EYS: variants seen among roughly 807,000 people sequenced by gnomAD.
EYS encodes protein eyes shut homolog.
Under a neutral mutation model 282.1 loss-of-function variants are expected in EYS, and 250 were observed. That is an observed-to-expected ratio of 0.89 (90% CI 0.80 to 0.98). EYS has a LOEUF of 0.98. EYS is among the 50% of genes least tolerant of loss of function. The pLI is 0.00. For synonymous variants in EYS, 1,355 were observed against 1,282.9 expected (o/e 1.06, Z -1.20); for missense variants, 4,016 against 3,709.0 (o/e 1.08, Z -2.15).
intron 5 of EYS, among the ~76,000 whole-genome samples, chr6:65,421,742 A>G (rs1767467838): frequency 1.3e-5 from 2 of 151,818 alleles, no homozygotes; most frequent in South Asian, 4.1e-4. Context: ...AGGGCTATTA[A>G]TTGGTCTAAT....
intron 35 of EYS, among the ~76,000 whole-genome samples, chr6:63,955,400 A>G (rs950649350): frequency 5.9e-5 from 9 of 152,194 alleles, no homozygotes; most frequent in Non-Finnish European, 1.3e-4. Flanking sequence ...AAAGATCTTC[A>G]GTGGCAAGGT....
At chr6:64,088,336 C>G (rs527382105) in intron 31 of EYS, among the ~76,000 whole-genome samples, 73 of 152,060 alleles carry the variant, frequency 4.8e-4, no homozygotes, top group African/African-American at 1.7e-3. Flanking sequence ...ATATAGTATA[C>G]TATATTACTT....
At chr6:63,941,193 A>G (rs1765229020) in intron 35 of EYS, among the ~76,000 whole-genome samples, 1 of 152,178 alleles carries the variant, frequency 6.6e-6, no homozygotes. Flanking sequence ...CTTTGGGTAT[A>G]TACCCAGTAA....
chr6:65,196,286 T>C (rs16896392), intron 12 of EYS, among the ~76,000 whole-genome samples: 35,916 of 151,904 alleles, frequency 0.24, 4,412 homozygotes, highest in African/African-American at 0.28. Context: ...ATTATACTTT[T>C]CATGTACTCA....
intron 18 of EYS, among the ~76,000 whole-genome samples, chr6:64,889,409 C>T (rs934943111): frequency 1.3e-5 from 2 of 151,802 alleles, no homozygotes; most frequent in African/African-American, 4.8e-5. Flanking sequence ...CAGATTCTGA[C>T]ACCTACCCAT....
intron 26 of EYS, among the ~76,000 whole-genome samples, chr6:64,487,554 T>C (rs922819193): frequency 2.0e-5 from 3 of 151,006 alleles, no homozygotes; most frequent in Non-Finnish European, 1.5e-5. Flanking sequence ...GAAGTGTCAA[T>C]ATAAATATTT....
chr6:64,450,224 C>A (rs944412452), intron 26 of EYS, among the ~76,000 whole-genome samples: 6 of 152,012 alleles, frequency 3.9e-5, no homozygotes, highest in Non-Finnish European at 8.8e-5. Flanking sequence ...TCTGATAAAA[C>A]AGACTTTAAA....
chr6:63,755,145 G>A (rs1769444046), intron 41 of EYS, among the ~76,000 whole-genome samples: 2 of 152,084 alleles, frequency 1.3e-5, no homozygotes, highest in African/African-American at 4.8e-5. Context: ...TAGGTTGCCT[G>A]TTCACTCTGA....
chr6:65,056,648 T>A (rs1310427914), intron 13 of EYS, among the ~76,000 whole-genome samples: 2 of 152,084 alleles, frequency 1.3e-5, no homozygotes, highest in Non-Finnish European at 2.9e-5. Context: ...ATTCCCTCTG[T>A]ATCTTTAAAG....
rs998505661 is a variant in EYS, at chr6:64,481,186, C to CA, written c.5645-41835dup. Among the ~76,000 whole-genome samples, 36 of 147,444 alleles carry CA rather than the reference C, an allele frequency of 2.4e-4. 1 individual carries two copies. The highest frequency in any genetic ancestry group is 1.6e-4 in the Non-Finnish European group (11 of 66,774). ...TCTCTTTATTCAGAATGCAAACAGC[C>CA]AAAAAATCATATATATGATATATAT... is the stretch of plus-strand genomic sequence containing the variant. On this transcript the variant is annotated intron_variant, in intron 26 of 42. Transcript: ENST00000503581.
intron 12 of EYS, among the ~76,000 whole-genome samples, chr6:65,267,380 C>CA (rs1426889224): frequency 2.0e-5 from 3 of 151,600 alleles, no homozygotes; most frequent in Non-Finnish European, 4.4e-5. Flanking sequence ...CATCACTTGA[C>CA]AAAAAAATCG....
chr6:64,554,546 A>G (rs1765183513), intron 26 of EYS, among the ~76,000 whole-genome samples: 1 of 152,098 alleles, frequency 6.6e-6, no homozygotes, highest in Non-Finnish European at 1.5e-5. Flanking sequence ...TTTTAGAAAC[A>G]TAAACATAAA....
chr6:64,597,409 T>C (rs981691597), intron 24 of EYS, among the ~76,000 whole-genome samples: 2 of 152,136 alleles, frequency 1.3e-5, no homozygotes, highest in Non-Finnish European at 2.9e-5. Context: ...AAAAGATACA[T>C]GTATTTATAT....
chr6:64,077,161 G>A (rs563102727), intron 32 of EYS, among the ~76,000 whole-genome samples: 71 of 152,048 alleles, frequency 4.7e-4, no homozygotes, highest in African/African-American at 1.7e-3. Flanking sequence ...GCTCTATTGG[G>A]ACCCATTAAG....
chr6:64,900,745 GAT>G (rs1767628059), intron 18 of EYS, among the ~76,000 whole-genome samples: 1 of 152,104 alleles, frequency 6.6e-6, no homozygotes, highest in Non-Finnish European at 1.5e-5. Flanking sequence ...ATGCTAGAGA[GAT>G]GCGGAGAAAA....
chr6:65,193,997 TA>T lies in EYS; in HGVS notation c.2023+101865del, dbSNP rs138328173. Among the ~76,000 whole-genome samples the T allele has an allele frequency of 1.7e-3, 264 of 152,104 alleles. 4 individuals carry two copies. In the East Asian group the frequency reaches 0.043, roughly 25 times the overall value. ...GGAAAAAATTGCCTTTCCTTATGAA[TA>T]ATTCAAATGGATTTCCTTTGAATTT... is the stretch of plus-strand genomic sequence containing the variant. On this transcript the variant is annotated intron_variant, in intron 12 of 42. Coordinates refer to ENST00000503581, the MANE Select transcript of EYS (RefSeq NM_001142800.2).
rs1157935 is a variant in EYS at position 64,946,354 on chromosome 6, A to T, written c.2260-440T>A. Among the ~76,000 whole-genome samples, 6 of 152,156 alleles carry T rather than the reference A, an allele frequency of 3.9e-5. No individual in the cohort carries two copies. In the East Asian group the frequency reaches 9.7e-4, roughly 24 times the overall value. On this transcript the variant is annotated intron_variant, in intron 14 of 42. Transcript: ENST00000503581. The stretch of plus-strand genomic sequence containing the variant: ...GACAGATTTATTGTTACAGATAAAT[A>T]TTTAAAATAAATTAACAGACTTTTG...
intron 5 of EYS, among the ~76,000 whole-genome samples, chr6:65,475,341 A>T (rs1315067474): frequency 3.9e-5 from 6 of 152,104 alleles, no homozygotes; most frequent in Non-Finnish European, 7.4e-5. Flanking sequence ...TTTATTCAAT[A>T]ATAGGTACAT....
intron 31 of EYS, among the ~76,000 whole-genome samples, chr6:64,180,906 C>T (rs960581850): frequency 6.6e-6 from 1 of 151,982 alleles, no homozygotes; most frequent in Non-Finnish European, 1.5e-5. Flanking sequence ...TCCCATTGCC[C>T]AGGTAGAGAG....
Sources: gnomAD v4.1 joint callset for allele counts (sites outside exome capture counted in the v4.1 genomes callset) on GRCh38, gnomAD v4.1.1 for gene constraint, MANE v1.5 for transcripts, NCBI Gene and HGNC (gene_info 2026-07-23, HGNC 2026-07-21) for gene names.